BLM: variants seen among roughly 807,000 people sequenced by gnomAD.
The protein encoded by BLM is recQ-like DNA helicase BLM.
Under a neutral mutation model 135.3 loss-of-function variants are expected in BLM, and 95 were observed. The observed-to-expected ratio is 0.70, with a 90% CI of 0.59 to 0.83. The LOEUF is 0.83. Among genes scored for constraint, BLM ranks in the 40% least tolerant of loss-of-function variants. The pLI is 0.00. For synonymous variants in BLM, 520 were observed against 589.2 expected, an observed-to-expected ratio of 0.88 and a Z score of 1.70; for missense variants, 1,518 against 1,663.9, an observed-to-expected ratio of 0.91 and a Z score of 1.53.
In BLM at chr15:90,739,479, G is replaced by A. The variant is rs555645370; in HGVS notation, c.-4-7910G>A. Among the ~76,000 whole-genome samples, 8 of 152,162 alleles carry A rather than the reference G, an allele frequency of 5.3e-5. No homozygotes were observed. In the South Asian group the frequency reaches 1.7e-3, roughly 32 times the overall value. On this transcript the variant is annotated intron_variant, in intron 1 of 21. Transcript: ENST00000355112. ...TAATCCCAGCTACTCCGGAGGCAGA[G>A]GTGGGAGGATCATTAGAGCTCAGGA...
rs1414716282 is a variant in BLM at position 90,763,284 on chromosome 15, A to T, written c.2074+127A>T. ...TTTAGGGACCTCTTAAACCTCCTGT[A>T]CCATAGTGAGAAAGCATATTACTTT... is the stretch of plus-strand genomic sequence containing the variant. On this transcript the variant is annotated intron_variant, in intron 8 of 21. Transcript: ENST00000355112. 4.2e-6 allele frequency: 4 copies of T among 954,340 alleles called. No individual in the cohort carries two copies. The African/African-American group carries it at 6.6e-5, about 16-fold the overall frequency. The allele number at this position is 954,340 out of a possible 1,614,324, so 59.1% of individuals were successfully genotyped here.
intron 17 of BLM, among the ~76,000 whole-genome samples, chr15:90,798,807 C>G (rs1006803992): frequency 6.6e-6 from 1 of 152,008 alleles, no homozygotes; most frequent in African/African-American, 2.4e-5. Flanking sequence ...CATGGTGAAA[C>G]CCTGTCTCTA....
At chr15:90,751,582 A>G (rs188049895) in intron 3 of BLM, among the ~76,000 whole-genome samples, 4 of 152,378 alleles carry the variant, frequency 2.6e-5, no homozygotes, top group African/African-American at 9.6e-5. Context: ...TCAGTCGAGC[A>G]TTCACTGGAC....
intron 1 of BLM, among the ~76,000 whole-genome samples, chr15:90,738,815 A>C (rs893705072): frequency 1.3e-5 from 2 of 152,188 alleles, no homozygotes; most frequent in African/African-American, 4.8e-5. Flanking sequence ...AGAAAATAAC[A>C]AGTGTTGCTG....
In BLM at chr15:90,754,829, C is replaced by T. The variant is rs2151152076; in HGVS notation, c.978C>T (p.Asp326=). Residue 326 remains aspartate (D), a synonymous_variant, in exon 5 of 22, where the codon GAC becomes GAT. Coordinates refer to ENST00000355112, the MANE Select transcript of BLM (RefSeq NM_000057.4). ...SKCLSTLKDL[D]TSDRKEDVLS... ...TTTGCAGTACGTTAAAGGACCTTGA[C>T]ACCTCTGACAGAAAAGAGGATGTTC... 6.2e-7 allele frequency: 1 copy of T among 1,613,788 alleles called. No homozygotes were observed. The highest frequency in any genetic ancestry group is 8.5e-7 in the Non-Finnish European group (1 of 1,179,846).
At chr15:90,770,522 T>C (rs764725667) in intron 12 of BLM, among the ~76,000 whole-genome samples, 2 of 152,242 alleles carry the variant, frequency 1.3e-5, no homozygotes, top group Non-Finnish European at 2.9e-5. Context: ...TTTATACTTC[T>C]ACCTGAGTTT....
chr15:90,784,777 T>G, intron 13 of BLM, 144 bp from the exon 14 acceptor site: 1 of 838,100 alleles, frequency 1.2e-6, no homozygotes, highest in East Asian at 2.5e-5. Flanking sequence ...TTGCTTGAAT[T>G]ATTCACGTGT....
intron 8 of BLM, among the ~76,000 whole-genome samples, chr15:90,764,221 TGAGA>T (rs912613853): frequency 8.0e-5 from 12 of 149,230 alleles, no homozygotes; most frequent in African/African-American, 2.7e-4. Flanking sequence ...CAACCACTTG[TGAGA>T]GAGAGATATA....
In BLM at chr15:90,734,322, C is replaced by T. The variant is rs540019859; in HGVS notation, c.-4-13067C>T. On this transcript the variant is annotated intron_variant, in intron 1 of 21. Coordinates refer to ENST00000355112, the MANE Select transcript of BLM (RefSeq NM_000057.4). ...TTTTTTTTTGAGATGGAGTCTCACC[C>T]TGTCGCCCAGGCTGAAGTACAGTAG... is the stretch of plus-strand genomic sequence containing the variant. 1.1e-3 allele frequency among the ~76,000 whole-genome samples: 161 copies of T among 151,602 alleles called. 4 individuals carry two copies. In the South Asian group the frequency reaches 0.032, roughly 30 times the overall value.
intron 17 of BLM, among the ~76,000 whole-genome samples, chr15:90,801,160 AGTTGT>A (rs1567061589): frequency 7.1e-5 from 4 of 56,430 alleles, no homozygotes; most frequent in Admixed American, 6.2e-4. Context: ...AAAAAAAAAA[AGTTGT>A]AAAAAAAAAA....
At chr15:90,734,515 T>A (rs755424259) in intron 1 of BLM, among the ~76,000 whole-genome samples, 1 of 152,130 alleles carries the variant, frequency 6.6e-6, no homozygotes, top group Non-Finnish European at 1.5e-5. Flanking sequence ...CTCAAAGTCC[T>A]GACCTCAGGT....
intron 12 of BLM, among the ~76,000 whole-genome samples, chr15:90,777,355 A>G (rs1322262032): frequency 6.6e-6 from 1 of 151,556 alleles, no homozygotes; most frequent in Non-Finnish European, 1.5e-5. Context: ...GTTTCACCAT[A>G]TTGCGCAGGC....
intron 14 of BLM, among the ~76,000 whole-genome samples, chr15:90,788,471 G>GTTTTTTTTTTTTT (rs35158343): frequency 7.4e-5 from 7 of 95,012 alleles, no homozygotes; most frequent in Admixed American, 1.3e-4. Flanking sequence ...CCAGTGTTTT[G>GTTTTTTTTTTTTT]TTTTTTTTTT....
chr15:90,766,065 T>C (rs1157772596), intron 9 of BLM, among the ~76,000 whole-genome samples: 8 of 152,214 alleles, frequency 5.3e-5, no homozygotes, highest in African/African-American at 1.2e-4. Flanking sequence ...GTCATGATCA[T>C]GCCACTACAA....
At chr15:90,721,249 A>AT (rs1894757349) in intron 1 of BLM, among the ~76,000 whole-genome samples, 1 of 152,050 alleles carries the variant, frequency 6.6e-6, no homozygotes, top group Admixed American at 6.5e-5. Context: ...TTCCCTGAAC[A>AT]TTTGTTCACT....
At chr15:90,778,731 AT>A (rs1260847227) in intron 12 of BLM, among the ~76,000 whole-genome samples, 2 of 152,168 alleles carry the variant, frequency 1.3e-5, no homozygotes, top group Non-Finnish European at 2.9e-5. Context: ...ATCAGTTGAT[AT>A]TGGGTTGTTT....
rs1060500646 is a variant in BLM at position 90,811,389 on chromosome 15, T to A, written c.4059T>A (p.Ser1353Arg). ...QRSKRRKTASSGSKAKGGSAT... is the reference protein window; with the variant it reads ...QRSKRRKTASRGSKAKGGSAT... ...CTAAGAGGAGAAAAACTGCTTCCAGTGGTTCCAAGGCAAAGGGGTATGTTT... is the reference window on the plus strand; with the variant it reads ...CTAAGAGGAGAAAAACTGCTTCCAGAGGTTCCAAGGCAAAGGGGTATGTTT... The change falls in exon 21 of 22, where the codon AGT becomes AGA. Residue 1353 changes from serine to arginine, a missense_variant. By Grantham distance (110) the Ser-to-Arg change is moderately radical. Coordinates refer to ENST00000355112, the MANE Select transcript of BLM (RefSeq NM_000057.4). 1.7e-5 allele frequency: 28 copies of A among 1,614,060 alleles called. No homozygotes were observed. Among genetic ancestry groups the A allele is most frequent in the Non-Finnish European group, 2.4e-5 (28 of 1,180,028 alleles).
chr15:90,800,889 T>A (rs1383299172), intron 17 of BLM, among the ~76,000 whole-genome samples: 1 of 152,194 alleles, frequency 6.6e-6, no homozygotes, highest in African/African-American at 2.4e-5. Context: ...GGCTCATGCC[T>A]GTAATCCCAG....
At chr15:90,802,921 A>G (rs1193535524) in intron 17 of BLM, among the ~76,000 whole-genome samples, 1 of 152,192 alleles carries the variant, frequency 6.6e-6, no homozygotes, top group Non-Finnish European at 1.5e-5. Flanking sequence ...AAAATATCTC[A>G]TGTACTACAC....
Sources: allele counts gnomAD v4.1 joint callset (sites outside exome capture counted in the v4.1 genomes callset), GRCh38; gene constraint gnomAD v4.1.1; transcripts MANE v1.5; gene names NCBI Gene and HGNC (gene_info 2026-07-23, HGNC 2026-07-21).